Variants in FANCL observed in about 807,000 individuals in gnomAD.
The protein encoded by FANCL is E3 ubiquitin-protein ligase FANCL.
FANCL carries 69 observed loss-of-function variants against 59.4 expected under a neutral mutation model. The ratio of observed to expected loss-of-function variants is 1.16; its 90% confidence interval spans 0.96 to 1.42. The LOEUF is 1.42. Ranked by LOEUF, FANCL falls within the 40% of genes most tolerant of loss-of-function variation. The pLI is 0.00. For missense variants in FANCL, 519 were observed against 447.2 expected, an observed-to-expected ratio of 1.16 and a Z score of -1.45; for synonymous variants, 180 against 147.1, an observed-to-expected ratio of 1.22 and a Z score of -1.62.
At chr2:58,182,084 T>C (rs770159346) in intron 7 of FANCL, among the ~76,000 whole-genome samples, 1 of 151,820 alleles carries the variant, frequency 6.6e-6, no homozygotes, top group Non-Finnish European at 1.5e-5. Flanking sequence ...GAATCTCAAA[T>C]AGGCTGAAAA....
chr2:58,211,764 C>A (rs985798979), intron 5 of FANCL, among the ~76,000 whole-genome samples: 1 of 152,186 alleles, frequency 6.6e-6, no homozygotes, highest in African/African-American at 2.4e-5. Context: ...AGGGCAGGGG[C>A]AAAATACCAC....
rs146100716 is a variant in FANCL, at chr2:58,202,380, T to A, written c.471+1750A>T. Among the ~76,000 whole-genome samples the A allele has an allele frequency of 2.6e-3, 397 of 151,650 alleles. 13 individuals are homozygous for A. In the East Asian group the frequency reaches 0.069, roughly 26 times the overall value. ...AAATTCACAATCTAGAACTAACTTT[T>A]TTTTCCTAAAAAAAAAAATTATCAC... On this transcript the variant is annotated intron_variant, in intron 6 of 13. Transcript: ENST00000233741.
intron 5 of FANCL, among the ~76,000 whole-genome samples, chr2:58,220,612 G>A (rs539697717): frequency 5.9e-5 from 9 of 152,146 alleles, no homozygotes; most frequent in South Asian, 2.1e-4. Context: ...TAGTTATCAG[G>A]TAATGGTATA....
intron 7 of FANCL, among the ~76,000 whole-genome samples, chr2:58,184,745 C>G (rs936718061): frequency 1.3e-5 from 2 of 152,024 alleles, no homozygotes; most frequent in East Asian, 1.9e-4. Context: ...AATGCAGAAG[C>G]CTCTCAGCTA....
intron 2 of FANCL, among the ~76,000 whole-genome samples, chr2:58,231,549 C>A (rs1166040498): frequency 6.6e-6 from 1 of 152,120 alleles, no homozygotes; most frequent in Non-Finnish European, 1.5e-5. Flanking sequence ...CCTTTTCCTC[C>A]ATTCTTCTCC....
Position 58,232,164 on chromosome 2 carries a change from C to G in FANCL, c.97-52G>C, listed in dbSNP as rs1206042420. On this transcript the variant is annotated intron_variant, in intron 1 of 13. Coordinates refer to ENST00000233741, the MANE Select transcript of FANCL (RefSeq NM_018062.4). ...TCAAATTTTTATCTTTCACTTAATGCTGAGAAGTTAAACAGAATCACAAAG... is the reference window on the plus strand; with the variant it reads ...TCAAATTTTTATCTTTCACTTAATGGTGAGAAGTTAAACAGAATCACAAAG... 4 of 1,421,094 alleles carry G rather than the reference C, an allele frequency of 2.8e-6. No individual in the cohort carries two copies. In the African/African-American group the frequency reaches 4.2e-5, roughly 15 times the overall value. 88.0% of individuals were successfully genotyped at this position (1,421,094 alleles called of 1,614,324 possible).
intron 8 of FANCL, among the ~76,000 whole-genome samples, chr2:58,164,285 A>G (rs2104806230): frequency 6.6e-6 from 1 of 152,154 alleles, no homozygotes; most frequent in South Asian, 2.1e-4. Flanking sequence ...AATTCCATAC[A>G]CTGTAGAATA....
At chr2:58,205,518 CTT>C (rs929735833) in intron 5 of FANCL, among the ~76,000 whole-genome samples, 6 of 152,028 alleles carry the variant, frequency 3.9e-5, no homozygotes, top group Admixed American at 2.6e-4. Context: ...ATACCTGACT[CTT>C]AAAACTCCCA....
intron 5 of FANCL, among the ~76,000 whole-genome samples, chr2:58,221,078 T>C (rs1267974903): frequency 1.3e-5 from 2 of 151,822 alleles, no homozygotes; most frequent in African/African-American, 4.8e-5. Context: ...CCGGTCGTGG[T>C]GGCAGGCGCC....
At chr2:58,198,408 CTT>C (rs1689655452) in intron 7 of FANCL, among the ~76,000 whole-genome samples, 184 bp downstream of exon 7, 1 of 151,924 alleles carries the variant, frequency 6.6e-6, no homozygotes, top group Non-Finnish European at 1.5e-5. Flanking sequence ...CTAGAGATAA[CTT>C]AAAGTATACA....
intron 4 of FANCL, among the ~76,000 whole-genome samples, chr2:58,225,834 G>C (rs1692945371): frequency 6.6e-6 from 1 of 152,100 alleles, no homozygotes; most frequent in Non-Finnish European, 1.5e-5. Flanking sequence ...AAAAGGGTGA[G>C]GTAAAGAGGA....
chr2:58,215,664 T>A (rs183227822), intron 5 of FANCL, among the ~76,000 whole-genome samples: 1 of 149,014 alleles, frequency 6.7e-6, no homozygotes, highest in East Asian at 2.0e-4. Context: ...AGAAGAAGGA[T>A]CTGGGCAAAG....
At chr2:58,185,593 T>C (rs556203862) in intron 7 of FANCL, among the ~76,000 whole-genome samples, 1 of 152,304 alleles carries the variant, frequency 6.6e-6, no homozygotes, top group South Asian at 2.1e-4. Flanking sequence ...TTGGCAATGC[T>C]TGCCAATTTT....
At chr2:58,171,427 A>G (rs1686599692) in intron 7 of FANCL, among the ~76,000 whole-genome samples, 1 of 152,260 alleles carries the variant, frequency 6.6e-6, no homozygotes, top group South Asian at 2.1e-4. Flanking sequence ...GAAAGCAGAA[A>G]GAACTAAAAT....
At chr2:58,233,390 C>A (rs1002758358) in intron 1 of FANCL, among the ~76,000 whole-genome samples, 4 of 152,010 alleles carry the variant, frequency 2.6e-5, no homozygotes, top group African/African-American at 9.7e-5. Context: ...CCAAAATTAG[C>A]TTTTTAGTTA....
At chr2:58,232,604 G>C (rs1184459928) in intron 1 of FANCL, among the ~76,000 whole-genome samples, 1 of 151,866 alleles carries the variant, frequency 6.6e-6, no homozygotes, top group Non-Finnish European at 1.5e-5. Flanking sequence ...AATCTATACA[G>C]ACATAAGTGA....
intron 1 of FANCL, among the ~76,000 whole-genome samples, chr2:58,237,512 A>G (rs1396477478): frequency 1.3e-5 from 2 of 152,154 alleles, no homozygotes; most frequent in South Asian, 2.1e-4. Context: ...AATAGAAGAA[A>G]GATCTCATAT....
chr2:58,200,967 T>C (rs1689953133), intron 6 of FANCL, among the ~76,000 whole-genome samples: 1 of 151,334 alleles, frequency 6.6e-6, no homozygotes, highest in Non-Finnish European at 1.5e-5. Context: ...GCAAAATCAA[T>C]TTTGTTTATA....
intron 7 of FANCL, among the ~76,000 whole-genome samples, chr2:58,186,068 G>A (rs1486071150): frequency 6.6e-6 from 1 of 152,106 alleles, no homozygotes; most frequent in Non-Finnish European, 1.5e-5. Flanking sequence ...CAAGTCAAAG[G>A]AAGCCGACAG....
Sources: allele counts gnomAD v4.1 joint callset (sites outside exome capture counted in the v4.1 genomes callset), GRCh38; gene constraint gnomAD v4.1.1; transcripts MANE v1.5; gene names NCBI Gene and HGNC (gene_info 2026-07-23, HGNC 2026-07-21).